The following ZMAT4 variants were observed in gnomAD, a reference collection of about 807,000 sequenced individuals.
ZMAT4 encodes the protein zinc finger matrin-type 4, also known as zinc finger matrin-type protein 4.
A neutral mutation model predicts 28.7 loss-of-function variants in ZMAT4; 17 were observed. The ratio of observed to expected loss-of-function variants is 0.59; its 90% CI spans 0.41 to 0.89. ZMAT4 has a LOEUF of 0.89. Ranked by LOEUF, ZMAT4 falls within the 40% of genes least tolerant of loss-of-function variation. The pLI is 0.00. For synonymous variants in ZMAT4, 117 were observed against 109.2 expected (o/e 1.07, Z -0.44); for missense variants, 240 against 283.8 (o/e 0.85, Z 1.11).
At chr8:40,869,842 G>A (rs575973810) in intron 1 of ZMAT4, among the ~76,000 whole-genome samples, 8 of 152,134 alleles carry the variant, frequency 5.3e-5, no homozygotes, top group African/African-American at 1.9e-4. Context: ...GCACCGATCC[G>A]CCTTCTCTCC....
intron 2 of ZMAT4, among the ~76,000 whole-genome samples, chr8:40,770,488 T>C (rs960064243): frequency 6.6e-6 from 1 of 150,568 alleles, no homozygotes; most frequent in Admixed American, 6.6e-5. Flanking sequence ...CCTCCTTCCT[T>C]CCTCCCTCCC....
intron 3 of ZMAT4, among the ~76,000 whole-genome samples, chr8:40,702,349 T>C (rs537915346): frequency 3.3e-5 from 5 of 152,302 alleles, no homozygotes; most frequent in East Asian, 1.9e-4. Context: ...TCAATGAATA[T>C]ATTTAAAGTT....
At chr8:40,813,716 G>A (rs574492539) in intron 2 of ZMAT4, among the ~76,000 whole-genome samples, 1 of 152,340 alleles carries the variant, frequency 6.6e-6, no homozygotes, top group East Asian at 1.9e-4. Context: ...ATTTCCAGAA[G>A]ACGTATTGAC....
intron 5 of ZMAT4, among the ~76,000 whole-genome samples, chr8:40,610,056 G>A (rs930364350): frequency 6.6e-5 from 10 of 152,108 alleles, no homozygotes; most frequent in African/African-American, 1.9e-4. Flanking sequence ...ATTCTAATTG[G>A]TGAATGCTAC....
intron 2 of ZMAT4, among the ~76,000 whole-genome samples, chr8:40,794,334 A>C (rs1814490035): frequency 6.6e-6 from 1 of 152,184 alleles, no homozygotes; most frequent in South Asian, 2.1e-4. Context: ...TGACTCAGAC[A>C]TGGAGTTACC....
chr8:40,638,475 G>C (rs985943331), intron 5 of ZMAT4, among the ~76,000 whole-genome samples: 1 of 152,204 alleles, frequency 6.6e-6, no homozygotes, highest in Non-Finnish European at 1.5e-5. Flanking sequence ...TCTGCTAGGA[G>C]AGGAAATCCA....
At chr8:40,816,577 C>A (rs370037845) in intron 2 of ZMAT4, among the ~76,000 whole-genome samples, 2 of 151,860 alleles carry the variant, frequency 1.3e-5, no homozygotes. Flanking sequence ...TATATGGTAG[C>A]AAAATACTGG....
chr8:40,681,889 A>G (rs1809180962), intron 4 of ZMAT4, among the ~76,000 whole-genome samples: 1 of 152,164 alleles, frequency 6.6e-6, no homozygotes, highest in Admixed American at 6.6e-5. Context: ...AATAAAAAAA[A>G]AAGATATGTT....
At chr8:40,549,480 C>G (rs942617450) in intron 6 of ZMAT4, among the ~76,000 whole-genome samples, 1 of 152,142 alleles carries the variant, frequency 6.6e-6, no homozygotes, top group Non-Finnish European at 1.5e-5. Context: ...CAAATCTTAA[C>G]TAGTTTTCCC....
intron 5 of ZMAT4, among the ~76,000 whole-genome samples, chr8:40,621,567 G>A (rs762712742): frequency 9.2e-5 from 14 of 152,198 alleles, no homozygotes; most frequent in East Asian, 5.8e-4. Flanking sequence ...AATTTCAAGC[G>A]CAAGGTTAGA....
intron 2 of ZMAT4, among the ~76,000 whole-genome samples, chr8:40,801,939 G>A (rs1283831008): frequency 6.6e-6 from 1 of 152,066 alleles, no homozygotes; most frequent in African/African-American, 2.4e-5. Context: ...ATCAATTAAT[G>A]TAATCCGTTG....
At chr8:40,766,878 G>A (rs189110126) in intron 3 of ZMAT4, among the ~76,000 whole-genome samples, 10 of 152,312 alleles carry the variant, frequency 6.6e-5, no homozygotes, top group East Asian at 1.9e-4. Flanking sequence ...ACAAGCACAC[G>A]GATGGTGTGG....
intron 3 of ZMAT4, among the ~76,000 whole-genome samples, chr8:40,735,372 A>C (rs939157726): frequency 1.0e-3 from 154 of 152,316 alleles, no homozygotes; most frequent in African/African-American, 3.6e-3. Context: ...TTATAGGACA[A>C]GACAATGTTC....
intron 2 of ZMAT4, among the ~76,000 whole-genome samples, chr8:40,771,138 C>CG (rs892316059): frequency 1.9e-4 from 28 of 151,160 alleles, no homozygotes; most frequent in African/African-American, 5.1e-4. Context: ...GGGAGAATTG[C>CG]GGGGGGGAAG....
chr8:40,842,973 C>T (rs975813872), intron 1 of ZMAT4, among the ~76,000 whole-genome samples: 4 of 152,252 alleles, frequency 2.6e-5, no homozygotes, highest in East Asian at 1.9e-4. Flanking sequence ...GATGGGGTTT[C>T]GCCATGTTGG....
At chr8:40,659,912 G>A (rs559184625) in intron 5 of ZMAT4, among the ~76,000 whole-genome samples, 50 of 152,228 alleles carry the variant, frequency 3.3e-4, no homozygotes, top group African/African-American at 1.2e-3. Flanking sequence ...CTGCAGTAGG[G>A]TTTATATTGA....
chr8:40,873,537 AGAG>A (rs1817936198), intron 1 of ZMAT4, among the ~76,000 whole-genome samples: 1 of 152,108 alleles, frequency 6.6e-6, no homozygotes, highest in Non-Finnish European at 1.5e-5. Context: ...CTTGTTTTAC[AGAG>A]GAGTCTCTGT....
chr8:40,886,617 C>T (rs536287634), intron 1 of ZMAT4, among the ~76,000 whole-genome samples: 1 of 152,342 alleles, frequency 6.6e-6, no homozygotes, highest in African/African-American at 2.4e-5. Context: ...TGTCTTATCA[C>T]ACCAAAAGTC....
rs1334488913 is a variant in ZMAT4, at chr8:40,538,868, CTCTGCCTCCTGGGTTCGAGCGAT to C, written c.675-6653_675-6631del. 1.3e-4 allele frequency among the ~76,000 whole-genome samples: 20 copies of C among 152,238 alleles called. No individual in the cohort carries two copies. The South Asian group carries it at 4.2e-3, about 32-fold the overall frequency. On this transcript the variant is annotated intron_variant, in intron 6 of 6. Coordinates refer to ENST00000297737, the MANE Select transcript of ZMAT4 (RefSeq NM_024645.3). ...TGGCACCATCTCAGCTCACTGCAAC[CTCTGCCTCCTGGGTTCGAGCGAT>C]TCTCCTGCCTCAGCTTCCCAAGTAG...
Sources: gnomAD v4.1 joint callset for allele counts (sites outside exome capture counted in the v4.1 genomes callset) on GRCh38, gnomAD v4.1.1 for gene constraint, MANE v1.5 for transcripts, NCBI Gene and HGNC (gene_info 2026-07-23, HGNC 2026-07-21) for gene names.